The following PPM1D variants were observed in gnomAD, a reference collection of about 807,000 sequenced individuals.
The protein encoded by PPM1D is protein phosphatase 1D.
A neutral mutation model predicts 58.3 loss-of-function variants in PPM1D; 52 were observed. The observed-to-expected ratio is 0.89, with a 90% CI of 0.71 to 1.12. The LOEUF is 1.12. Ranked by LOEUF, PPM1D falls within the 50% of genes most tolerant of loss-of-function variation. PPM1D has a pLI of 0.00. For synonymous variants in PPM1D, 278 were observed against 285.1 expected (o/e 0.98, Z 0.25); for missense variants, 564 against 777.2 (o/e 0.73, Z 3.26).
At position 60,607,747 on chromosome 17, in the gene PPM1D, A is replaced by G. The variant is rs367690530; in HGVS notation, c.472+6861A>G. Among the ~76,000 whole-genome samples the G allele has an allele frequency of 6.6e-5, 10 of 152,370 alleles. No homozygotes were observed. The South Asian group carries it at 1.0e-3, about 16-fold the overall frequency. ...TGTCATAGTCTTATCAATAGAGTCAATAGAAAGATGACATTCTGCAAAGGG... is the reference window on the plus strand; with the variant it reads ...TGTCATAGTCTTATCAATAGAGTCAGTAGAAAGATGACATTCTGCAAAGGG... On this transcript the variant is annotated intron_variant, in intron 1 of 5. Transcript: ENST00000305921.
intron 1 of PPM1D, among the ~76,000 whole-genome samples, chr17:60,609,032 C>T (rs2030396341): frequency 6.6e-6 from 1 of 151,938 alleles, no homozygotes; most frequent in African/African-American, 2.4e-5. Flanking sequence ...CAGGCGTGAG[C>T]CACCGCGCCC....
At chr17:60,607,708 A>G (rs1351581851) in intron 1 of PPM1D, among the ~76,000 whole-genome samples, 2 of 152,244 alleles carry the variant, frequency 1.3e-5, no homozygotes, top group Non-Finnish European at 2.9e-5. Context: ...AATGAAGTGC[A>G]GCTTTTAGCT....
chr17:60,637,784 T>TA (rs529049408), intron 3 of PPM1D, among the ~76,000 whole-genome samples: 11 of 151,578 alleles, frequency 7.3e-5, no homozygotes, highest in African/African-American at 2.7e-4. Flanking sequence ...GGATTAAAAT[T>TA]AAAAAAAAAT....
chr17:60,614,656 C>T (rs563041598), intron 1 of PPM1D, among the ~76,000 whole-genome samples: 2 of 152,300 alleles, frequency 1.3e-5, no homozygotes, highest in East Asian at 3.9e-4. Flanking sequence ...TGGGTCCACA[C>T]TGTCTTTATG....
intron 5 of PPM1D, among the ~76,000 whole-genome samples, chr17:60,661,356 T>C (rs73990934): frequency 0.047 from 7,045 of 151,280 alleles, 576 homozygotes; most frequent in African/African-American, 0.16. Context: ...TACATTTGAT[T>C]GAGAGTCCAC....
chr17:60,647,881 C>T lies in PPM1D; in HGVS notation c.827-11C>T. 1 of 1,604,220 alleles carries T rather than the reference C, an allele frequency of 6.2e-7. No homozygotes were observed. The highest frequency in any genetic ancestry group is 8.5e-7 in the Non-Finnish European group (1 of 1,172,770). On this transcript the variant is annotated splice_polypyrimidine_tract_variant and intron_variant, in intron 3 of 5. Transcript: ENST00000305921. ...CTAATACTTCTTGCTTTTTCTGCTC[C>T]CTTCCCCCAGGTGATTTGTGGAGCT...
intron 1 of PPM1D, among the ~76,000 whole-genome samples, chr17:60,607,538 T>G (rs2030356791): frequency 6.6e-6 from 1 of 152,216 alleles, no homozygotes; most frequent in Non-Finnish European, 1.5e-5. Flanking sequence ...CGACCTCAAG[T>G]GATCCACCTG....
At chr17:60,609,089 T>TTTTG (rs778166302) in intron 1 of PPM1D, among the ~76,000 whole-genome samples, 1 of 150,514 alleles carries the variant, frequency 6.6e-6, no homozygotes, top group East Asian at 2.0e-4. Context: ...ACATTTTGTA[T>TTTTG]TTTGTTTGTT....
intron 3 of PPM1D, among the ~76,000 whole-genome samples, chr17:60,647,163 T>G (rs900805966): frequency 1.6e-4 from 24 of 152,222 alleles, no homozygotes; most frequent in Non-Finnish European, 3.1e-4. Context: ...CTTTGTAGAT[T>G]ATTTTGGGAA....
chr17:60,606,275 T>C (rs2030328196), intron 1 of PPM1D, among the ~76,000 whole-genome samples: 1 of 152,224 alleles, frequency 6.6e-6, no homozygotes, highest in Non-Finnish European at 1.5e-5. Flanking sequence ...CATGCCACAT[T>C]GTGTTTATCC....
chr17:60,627,715 T>G (rs1260310297), intron 2 of PPM1D, among the ~76,000 whole-genome samples: 2 of 151,608 alleles, frequency 1.3e-5, no homozygotes, highest in East Asian at 3.9e-4. Context: ...CCAATTCGCC[T>G]GACCAGGAAG....
At chr17:60,624,613 C>T (rs1001456506) in intron 2 of PPM1D, among the ~76,000 whole-genome samples, 8 of 151,874 alleles carry the variant, frequency 5.3e-5, no homozygotes, top group Non-Finnish European at 1.0e-4. Flanking sequence ...ATGGAGAAAC[C>T]CCGTCGCTAC....
rs192738682 is a variant in PPM1D at position 60,631,110 on chromosome 17, G to A, written c.702-2743G>A. 3.6e-4 allele frequency among the ~76,000 whole-genome samples: 54 copies of A among 151,032 alleles called. No homozygotes were observed. The East Asian group carries it at 8.8e-3, about 25-fold the overall frequency. On this transcript the variant is annotated intron_variant, in intron 2 of 5. Coordinates refer to ENST00000305921, the MANE Select transcript of PPM1D (RefSeq NM_003620.4). ...GTAATCCCAGCATGTTGGGAGGCCCGGATGGGAGGATGGCTTGAGCCCAGG... is the reference window on the plus strand; with the variant it reads ...GTAATCCCAGCATGTTGGGAGGCCCAGATGGGAGGATGGCTTGAGCCCAGG...
At position 60,600,795 on chromosome 17, in the gene PPM1D, G is replaced by A; in HGVS notation, c.381G>A (p.Gln127=). The A allele has an allele frequency of 1.2e-6, 2 of 1,612,996 alleles. No individual in the cohort carries two copies. The highest frequency in any genetic ancestry group is 1.3e-5 in the African/African-American group (1 of 75,046). The change falls in exon 1 of 6, where the codon CAG becomes CAA. Residue 127 remains glutamine, a synonymous_variant. Coordinates refer to ENST00000305921, the MANE Select transcript of PPM1D (RefSeq NM_003620.4). ...ACTTGTGGGGTTTCATCAAGAAGCA[G>A]AAGGGTTTCACCTCGTCCGAGCCGG... The part of the protein sequence containing the change: ...REHLWGFIKK[Q]KGFTSSEPAK...
rs137941545 is a variant in PPM1D, at chr17:60,610,963, T to G, written c.472+10077T>G. 3.2e-4 allele frequency among the ~76,000 whole-genome samples: 49 copies of G among 152,354 alleles called. 1 individual carries two copies. In the East Asian group the frequency reaches 6.9e-3, roughly 22 times the overall value. On this transcript the variant is annotated intron_variant, in intron 1 of 5. Transcript: ENST00000305921. ...GGTCTGCATTTTATGGTGGTGAAATTATATCTTATTGTGGTTTTAATTCTC... is the reference window on the plus strand; with the variant it reads ...GGTCTGCATTTTATGGTGGTGAAATGATATCTTATTGTGGTTTTAATTCTC...
intron 4 of PPM1D, among the ~76,000 whole-genome samples, chr17:60,651,648 G>A (rs1041516631): frequency 5.3e-5 from 8 of 151,816 alleles, no homozygotes; most frequent in Non-Finnish European, 8.8e-5. Context: ...CACCCACCTC[G>A]GCCTCCCAAA....
Position 60,600,571 on chromosome 17 carries a change from C to T in PPM1D, c.157C>T (p.Pro53Ser). Residue 53 changes from proline to serine, a missense_variant, in exon 1 of 6, where the codon CCG becomes TCG. Physicochemically the swap from Pro to Ser is moderately conservative, Grantham distance 74 (BLOSUM62 -1). This residue lies in a region of PPM1D where 132 missense variants were observed against 150.4 expected (regional missense o/e 0.88). Coordinates refer to ENST00000305921, the MANE Select transcript of PPM1D (RefSeq NM_003620.4). ...GCTGTCTCAGCCGTTGCCTCCGCGG[C>T]CGTCGCCGGCCGCCCTTCCCGGCGG... is the stretch of plus-strand genomic sequence containing the variant. ...RSLSQPLPPR[P>S]SPAALPGGEV... 1 of 1,551,986 alleles carries T rather than the reference C, an allele frequency of 6.4e-7. No individual in the cohort carries two copies. Among genetic ancestry groups the T allele is most frequent in the Non-Finnish European group, 8.7e-7 (1 of 1,148,606 alleles).
At chr17:60,661,223 A>AC (rs1031807293) in intron 5 of PPM1D, among the ~76,000 whole-genome samples, 6 of 151,206 alleles carry the variant, frequency 4.0e-5, no homozygotes, top group African/African-American at 1.5e-4. Context: ...CCATCTCAAA[A>AC]AAAAAAAAAA....
At chr17:60,621,048 G>A (rs1389874202) in intron 1 of PPM1D, among the ~76,000 whole-genome samples, 2 of 151,814 alleles carry the variant, frequency 1.3e-5, no homozygotes, top group Non-Finnish European at 2.9e-5. Context: ...TCAGCTGCCT[G>A]AGTAGCTGGG....
Sources: allele counts gnomAD v4.1 joint callset (sites outside exome capture counted in the v4.1 genomes callset), GRCh38; gene constraint gnomAD v4.1.1; regional missense constraint gnomAD v4.1.1; transcripts MANE v1.5; gene names NCBI Gene and HGNC (gene_info 2026-07-23, HGNC 2026-07-21).